The following IGSF10 variants were observed in gnomAD, a reference collection of about 807,000 sequenced individuals.
IGSF10 encodes calvaria mechanical force protein 608.
Under a neutral mutation model 128.2 loss-of-function variants are expected in IGSF10, and 126 were observed. The ratio of observed to expected loss-of-function variants is 0.98; its 90% CI spans 0.85 to 1.14. The LOEUF (loss-of-function observed/expected upper bound fraction) is 1.14. IGSF10 is among the 50% of genes most tolerant of loss of function. The pLI, the probability that IGSF10 is intolerant of heterozygous loss-of-function variation, is 0.00. For synonymous variants in IGSF10, 1,185 were observed against 1,146.2 expected (o/e 1.03, Z -0.68); for missense variants, 3,295 against 3,149.8 (o/e 1.05, Z -1.10).
At chr3:151,472,807 G>C in the IGSF10 span, among the ~76,000 whole-genome samples, 3 of 152,102 alleles carry the variant, frequency 2.0e-5, no homozygotes, top group Non-Finnish European at 4.4e-5. Context: ...CCCTCCCCAT[G>C]GTTTAGAACC....
the IGSF10 span, among the ~76,000 whole-genome samples, chr3:151,474,723 G>A: frequency 6.6e-6 from 1 of 152,196 alleles, no homozygotes; most frequent in Admixed American, 6.5e-5. Flanking sequence ...GAAGAAAGAG[G>A]TTTAATTGGA....
the IGSF10 span, among the ~76,000 whole-genome samples, chr3:151,582,137 T>A: frequency 6.6e-6 from 1 of 152,048 alleles, no homozygotes; most frequent in Non-Finnish European, 1.5e-5. Flanking sequence ...TGAAATATAT[T>A]TCTAAACTGT....
chr3:151,579,910 G>GGAAGGAAGGAAGGAAA, the IGSF10 span, among the ~76,000 whole-genome samples: 1 of 151,282 alleles, frequency 6.6e-6, no homozygotes, highest in Non-Finnish European at 1.5e-5. Flanking sequence ...AAGGAAGGAA[G>GGAAGGAAGGAAGGAAA]GAAGGAAGGG....
At chr3:151,541,484 G>C in the IGSF10 span, among the ~76,000 whole-genome samples, 1 of 152,122 alleles carries the variant, frequency 6.6e-6, no homozygotes, top group Admixed American at 6.6e-5. Flanking sequence ...ATATAGATGA[G>C]ATTTAAACAC....
At chr3:151,609,937 A>T in the IGSF10 span, among the ~76,000 whole-genome samples, 15 of 152,208 alleles carry the variant, frequency 9.9e-5, no homozygotes, top group Non-Finnish European at 1.2e-4. Context: ...ACTCAGCATC[A>T]TGCAGTACAC....
chr3:151,442,275 A>G (rs1002574026), intron 7 of IGSF10, among the ~76,000 whole-genome samples: 2 of 152,100 alleles, frequency 1.3e-5, no homozygotes, highest in Non-Finnish European at 2.9e-5. Context: ...GGGGACTCAG[A>G]CGAGTAAAAT....
the IGSF10 span, among the ~76,000 whole-genome samples, chr3:151,544,324 A>G: frequency 2.6e-5 from 4 of 152,322 alleles, no homozygotes; most frequent in South Asian, 8.3e-4. Flanking sequence ...GTGGCTCTCC[A>G]GGCTGCTGCA....
chr3:151,508,000 G>T, the IGSF10 span, among the ~76,000 whole-genome samples: 2 of 151,896 alleles, frequency 1.3e-5, no homozygotes, highest in African/African-American at 2.4e-5. Flanking sequence ...ATTATAAAAT[G>T]GTTTTTATCT....
At chr3:151,587,836 C>T in the IGSF10 span, among the ~76,000 whole-genome samples, 2 of 152,218 alleles carry the variant, frequency 1.3e-5, no homozygotes, top group Non-Finnish European at 2.9e-5. Context: ...TTTGCCTGCA[C>T]AAGCTCTCTC....
In IGSF10 at chr3:151,448,296, A is replaced by G. The variant is rs1200665983; in HGVS notation, c.1685T>C (p.Leu562Pro). 6.2e-7 allele frequency: 1 copy of G among 1,614,142 alleles called. No individual in the cohort carries two copies. The highest frequency in any genetic ancestry group is 1.3e-5 in the African/African-American group (1 of 74,952). The change falls in exon 6 of 8, where the codon CTC (leucine) becomes CCC (proline). Residue 562 changes from leucine to proline, a missense_variant. Coordinates refer to ENST00000282466, the MANE Select transcript of IGSF10 (RefSeq NM_178822.5). ...TTCTACCACAGTTATCCTATAGGTGAGAATATCTGCATCATCATAATTGCT... is the reference window on the plus strand; with the variant it reads ...TTCTACCACAGTTATCCTATAGGTGGGAATATCTGCATCATCATAATTGCT... ...ISSNYDDADI[L>P]TYRITVVEPL...
the IGSF10 span, among the ~76,000 whole-genome samples, chr3:151,586,868 G>C: frequency 1.3e-5 from 2 of 151,718 alleles, no homozygotes; most frequent in African/African-American, 4.9e-5. Context: ...AAAATGGAGA[G>C]GGGGGGAAAA....
chr3:151,560,702 G>GCCC, the IGSF10 span, among the ~76,000 whole-genome samples: 4 of 151,098 alleles, frequency 2.6e-5, no homozygotes, highest in African/African-American at 9.7e-5. Flanking sequence ...CATTGCCATA[G>GCCC]CCCCCCCCTC....
the IGSF10 span, chr3:151,499,581 C>T: frequency 6.6e-6 from 1 of 152,032 alleles, no homozygotes; most frequent in African/African-American, 2.4e-5. Flanking sequence ...GAATTGTGTT[C>T]ATAATGGATG....
chr3:151,464,353 T>A (rs957531165), upstream of IGSF10, among the ~76,000 whole-genome samples: 1 of 152,216 alleles, frequency 6.6e-6, no homozygotes, highest in African/African-American at 2.4e-5. Context: ...AATATACATC[T>A]TCTTCACCTT....
In IGSF10 at chr3:151,448,163, G is replaced by A; in HGVS notation, c.1818C>T (p.Ser606=). The part of the protein sequence containing the change: ...HSTGIPDASI[S]WVIPGNNVLY... Reference sequence around the variant, plus strand: ...GCACATTGTTTCCTGGAATAACCCAGCTAATAGAGGCATCTGGGATACCAG... The same window carrying A: ...GCACATTGTTTCCTGGAATAACCCAACTAATAGAGGCATCTGGGATACCAG... Residue 606 remains serine, a synonymous_variant, in exon 6 of 8, where the codon AGC becomes AGT. Transcript: ENST00000282466. The A allele has an allele frequency of 1.2e-6, 2 of 1,614,180 alleles. No homozygotes were observed. Among genetic ancestry groups the A allele is most frequent in the Non-Finnish European group, 1.7e-6 (2 of 1,180,016 alleles).
At chr3:151,591,554 G>A in the IGSF10 span, among the ~76,000 whole-genome samples, 7 of 151,298 alleles carry the variant, frequency 4.6e-5, no homozygotes, top group African/African-American at 1.5e-4. Context: ...GGAGAAAAAG[G>A]GAATCATAAA....
chr3:151,582,795 G>A, the IGSF10 span, among the ~76,000 whole-genome samples: 1 of 152,098 alleles, frequency 6.6e-6, no homozygotes, highest in Non-Finnish European at 1.5e-5. Flanking sequence ...GTGATAGTGA[G>A]CAACATTTTC....
rs1186948794 is a variant in IGSF10 at position 151,436,740 on chromosome 3, T to C, written c.7821A>G (p.Ala2607=). 5.6e-6 allele frequency: 9 copies of C among 1,614,046 alleles called. No individual in the cohort carries two copies. Among genetic ancestry groups the C allele is most frequent in the African/African-American group, 1.3e-5 (1 of 74,946 alleles). ...TSDSGIYKCT[A]KNPLGSDYAA... ...CATAATCACTACCAAGTGGGTTCTT[T>C]GCTGTGCATTTGTATATCCCAGAAT... The change falls in exon 8 of 8, where the codon GCA becomes GCG. Residue 2607 remains alanine, a synonymous_variant. Transcript: ENST00000282466.
chr3:151,589,372 A>G, the IGSF10 span, among the ~76,000 whole-genome samples: 2 of 152,184 alleles, frequency 1.3e-5, no homozygotes, highest in Non-Finnish European at 2.9e-5. Flanking sequence ...GCCATCACTA[A>G]TTTTCCATCT....
Sources: allele counts gnomAD v4.1 joint callset (sites outside exome capture counted in the v4.1 genomes callset), GRCh38; gene constraint gnomAD v4.1.1; transcripts MANE v1.5; gene names NCBI Gene and HGNC (gene_info 2026-07-23, HGNC 2026-07-21).